Variants in ZNF516 observed in about 807,000 individuals in gnomAD.
The protein encoded by ZNF516 is zinc finger protein 516.
In ZNF516, 19 loss-of-function variants were observed where a neutral mutation model predicts 79.7. The observed-to-expected ratio is 0.24, with a 90% confidence interval of 0.17 to 0.35. ZNF516 has a LOEUF of 0.35. ZNF516 is among the 10% of genes least tolerant of loss of function. The probability of loss-of-function intolerance (pLI) is 1.00; values close to 1 mark genes in which losing one functional copy is unlikely to be tolerated. For missense variants in ZNF516, 1,678 were observed against 1,679.5 expected (o/e 1.00, Z 0.02); for synonymous variants, 877 against 739.5 (o/e 1.19, Z -3.02).
At chr18:76,400,730 T>C (rs1209622257) in intron 3 of ZNF516, among the ~76,000 whole-genome samples, 2 of 152,246 alleles carry the variant, frequency 1.3e-5, no homozygotes, top group East Asian at 1.9e-4. Context: ...GTAGGTTTTC[T>C]ACAGCTCCCA....
chr18:76,402,413 C>T (rs1599188018), intron 3 of ZNF516, among the ~76,000 whole-genome samples: 1 of 1,440 alleles, frequency 6.9e-4, no homozygotes, highest in East Asian at 0.083. Flanking sequence ...AGGACATTTC[C>T]TTTCATCCAA....
At chr18:76,487,488 T>C (rs1568332616) in intron 1 of ZNF516, among the ~76,000 whole-genome samples, 1 of 152,212 alleles carries the variant, frequency 6.6e-6, no homozygotes, top group Non-Finnish European at 1.5e-5. Context: ...AAATTAATTT[T>C]AAAATAAAGA....
In ZNF516 at chr18:76,403,157, T is replaced by C. The variant is rs936922949; in HGVS notation, c.1811-22854A>G. Among the ~76,000 whole-genome samples the C allele has an allele frequency of 2.0e-4, 31 of 152,196 alleles. 1 individual carries two copies. The highest frequency in any genetic ancestry group is 1.7e-3 in the Admixed American group (26 of 15,284). ...TTATCTACCCTGCGTTTACTATACA[T>C]AGGAATAAAACACAACTGCTTAAAC... On this transcript the variant is annotated intron_variant, in intron 3 of 6. Transcript: ENST00000443185.
At chr18:76,480,529 A>ATACATATATT (rs374464151) in intron 1 of ZNF516, among the ~76,000 whole-genome samples, 1 of 142,024 alleles carries the variant, frequency 7.0e-6, no homozygotes. Context: ...ACACACATAT[A>ATACATATATT]TTTTTTTTTT....
chr18:76,491,663 C>A, intron 1 of ZNF516: 2 of 623,944 alleles, frequency 3.2e-6, no homozygotes, highest in Non-Finnish European at 4.0e-6. Context: ...CAACAAGCGG[C>A]CACCGCCCCC....
chr18:76,386,355 CAG>C (rs993427303), intron 3 of ZNF516: 3 of 152,104 alleles, frequency 2.0e-5, no homozygotes, highest in African/African-American at 7.2e-5. Flanking sequence ...TGCATATTAA[CAG>C]GGAGTGAGAA....
At chr18:76,460,985 C>T (rs1475789238) in intron 2 of ZNF516, among the ~76,000 whole-genome samples, 1 of 152,154 alleles carries the variant, frequency 6.6e-6, no homozygotes, top group Non-Finnish European at 1.5e-5. Context: ...GGAGACCAGC[C>T]TGGCCAACAC....
intron 1 of ZNF516, among the ~76,000 whole-genome samples, chr18:76,477,178 G>A (rs112327744): frequency 6.6e-5 from 10 of 152,132 alleles, no homozygotes; most frequent in Admixed American, 1.3e-4. Flanking sequence ...AATGCTAGTC[G>A]ATCTTACGTT....
At chr18:76,464,380 A>G (rs1410401509) in intron 1 of ZNF516, among the ~76,000 whole-genome samples, 5 of 152,116 alleles carry the variant, frequency 3.3e-5, no homozygotes, top group Non-Finnish European at 5.9e-5. Flanking sequence ...TCAAAAACAG[A>G]AAGTGGGACT....
intron 3 of ZNF516, among the ~76,000 whole-genome samples, chr18:76,396,194 C>T (rs1337042117): frequency 6.6e-6 from 1 of 152,164 alleles, no homozygotes; most frequent in African/African-American, 2.4e-5. Context: ...TCACTTTCTT[C>T]TTCTTAGATG....
chr18:76,463,861 C>T (rs1369854217), intron 1 of ZNF516, among the ~76,000 whole-genome samples: 1 of 152,214 alleles, frequency 6.6e-6, no homozygotes, highest in African/African-American at 2.4e-5. Context: ...ATAAACTATT[C>T]CCACTGCCTG....
chr18:76,380,638 T>TA (rs1599151425), intron 3 of ZNF516, among the ~76,000 whole-genome samples: 1 of 152,124 alleles, frequency 6.6e-6, no homozygotes, highest in African/African-American at 2.4e-5. Context: ...AAAAATTAAT[T>TA]ATTCACAGCA....
At chr18:76,390,377 T>C (rs2075053390) in intron 3 of ZNF516, among the ~76,000 whole-genome samples, 1 of 152,190 alleles carries the variant, frequency 6.6e-6, no homozygotes, top group East Asian at 1.9e-4. Context: ...ATGGCACACC[T>C]GTGTCAGGGT....
rs1166542823 is a variant in ZNF516 at position 76,378,861 on chromosome 18, G to A, written c.3253C>T (p.His1085Tyr). 1 of 1,612,666 alleles carries A rather than the reference G, an allele frequency of 6.2e-7. No homozygotes were observed. The highest frequency in any genetic ancestry group is 2.2e-5 in the East Asian group (1 of 44,854). ...GAGGGCCCGCACATCTTACCTCTGT[G>A]CTCCAACCCAGGGCCGCTGACACCC... ...GWGVSGPGLE[H>Y]RGTLRTQARP... The change falls in exon 4 of 7, where the codon CAC (histidine) becomes TAC (tyrosine). Residue 1085 changes from histidine to tyrosine, a missense_variant. His to Tyr is a moderately conservative substitution (Grantham distance 83). This residue lies in a region of ZNF516 where 1,294 missense variants were observed against 1,248.3 expected (regional missense o/e 1.04). Coordinates refer to ENST00000443185, the MANE Select transcript of ZNF516 (RefSeq NM_014643.4).
In ZNF516 at chr18:76,419,566, T is replaced by C. The variant is rs545757429; in HGVS notation, c.1810+21679A>G. On this transcript the variant is annotated intron_variant, in intron 3 of 6. Transcript: ENST00000443185. ...GAACTGTAGCTCCATAATTCCATCA[T>C]GTACTGAGAGGGACCTGATGGGAGG... is the stretch of plus-strand genomic sequence containing the variant. Among the ~76,000 whole-genome samples the C allele has an allele frequency of 5.3e-5, 8 of 152,366 alleles. No individual in the cohort carries two copies. In the South Asian group the frequency reaches 1.0e-3, roughly 20 times the overall value.
chr18:76,374,718 A>G (rs1237390654), intron 4 of ZNF516, among the ~76,000 whole-genome samples: 2 of 152,212 alleles, frequency 1.3e-5, no homozygotes, highest in Admixed American at 6.5e-5. Context: ...TCTCCTCTGC[A>G]TATTTCTACC....
chr18:76,364,578 G>A (rs2074585638), intron 6 of ZNF516, among the ~76,000 whole-genome samples: 1 of 152,188 alleles, frequency 6.6e-6, no homozygotes, highest in Non-Finnish European at 1.5e-5. Flanking sequence ...TCTAGGGATG[G>A]ATATTGACTA....
chr18:76,368,326 G>C (rs1405955399), intron 6 of ZNF516, among the ~76,000 whole-genome samples: 1 of 152,018 alleles, frequency 6.6e-6, no homozygotes, highest in African/African-American at 2.4e-5. Context: ...AATTTCCTTA[G>C]AGAACTCTGC....
intron 3 of ZNF516, among the ~76,000 whole-genome samples, chr18:76,390,878 A>C (rs1218115411): frequency 1.3e-5 from 2 of 152,180 alleles, no homozygotes; most frequent in Non-Finnish European, 2.9e-5. Context: ...AGGGAAGGTC[A>C]CCGTCCCATT....
Sources: allele counts gnomAD v4.1 joint callset (sites outside exome capture counted in the v4.1 genomes callset), GRCh38; gene constraint gnomAD v4.1.1; regional missense constraint gnomAD v4.1.1; transcripts MANE v1.5; gene names NCBI Gene and HGNC (gene_info 2026-07-23, HGNC 2026-07-21).